PHLPP2: variants seen among roughly 807,000 people sequenced by gnomAD.
The protein encoded by PHLPP2 is PH domain and leucine rich repeat protein phosphatase 2.
A neutral mutation model predicts 124.9 loss-of-function variants in PHLPP2; 66 were observed. That is an observed-to-expected ratio of 0.53 (90% CI 0.43 to 0.65). PHLPP2 has a LOEUF of 0.65. Among genes scored for constraint, PHLPP2 ranks in the 30% least tolerant of loss-of-function variants. PHLPP2 has a pLI of 0.00. For missense variants in PHLPP2, 1,685 were observed against 1,600.4 expected, an observed-to-expected ratio of 1.05 and a Z score of -0.90; for synonymous variants, 681 against 624.7, an observed-to-expected ratio of 1.09 and a Z score of -1.34.
chr16:71,696,565 A>G (rs568909159), intron 3 of PHLPP2, among the ~76,000 whole-genome samples: 1 of 151,322 alleles, frequency 6.6e-6, no homozygotes, highest in African/African-American at 2.4e-5. Context: ...TGAACCCAGG[A>G]GGCAGAGGCT....
rs2045102733 is a variant in PHLPP2, at chr16:71,690,696, G to A, written c.432C>T (p.His144=). 6.2e-7 allele frequency: 1 copy of A among 1,609,850 alleles called. No homozygotes were observed. The highest frequency in any genetic ancestry group is 1.7e-5 in the Admixed American group (1 of 59,284). Residue 144 remains histidine (H), a synonymous_variant, in exon 4 of 19, where the codon CAC becomes CAT. Coordinates refer to ENST00000568954, the MANE Select transcript of PHLPP2 (RefSeq NM_015020.3). ...ATAGGATTCGATCCAAACGATCCAT[G>A]TGGCATGGTTTTTCTGAAAAGGAAA... The part of the protein sequence containing the change: ...MIRFYGEKPC[H]MDRLDRILLS...
intron 1 of PHLPP2, among the ~76,000 whole-genome samples, chr16:71,717,917 G>C (rs1024179104): frequency 1.3e-5 from 2 of 152,072 alleles, no homozygotes; most frequent in Non-Finnish European, 2.9e-5. Flanking sequence ...TTTGAGACAC[G>C]ATCTCGCTCT....
At chr16:71,723,789 C>T in intron 1 of PHLPP2, 4 of 1,317,214 alleles carry the variant, frequency 3.0e-6, no homozygotes, top group Non-Finnish European at 3.9e-6. Flanking sequence ...CGGATCCCTC[C>T]CGGCCGGCGG....
At chr16:71,657,865 T>C (rs1409776133) in intron 15 of PHLPP2, among the ~76,000 whole-genome samples, 3 of 152,168 alleles carry the variant, frequency 2.0e-5, no homozygotes, top group South Asian at 2.1e-4. Flanking sequence ...ACAACAAAGA[T>C]TTCTATGTTT....
At chr16:71,663,421 C>T (rs951414603) in intron 13 of PHLPP2, among the ~76,000 whole-genome samples, 7 of 152,172 alleles carry the variant, frequency 4.6e-5, no homozygotes, top group Non-Finnish European at 2.9e-5. Context: ...AAACACCCTG[C>T]CTTTCTTAGA....
chr16:71,650,462 G>A (rs1319048531), intron 18 of PHLPP2, among the ~76,000 whole-genome samples: 1 of 152,218 alleles, frequency 6.6e-6, no homozygotes, highest in Non-Finnish European at 1.5e-5. Flanking sequence ...AGCTGGGACT[G>A]AAAAGATACC....
chr16:71,653,096 C>A, intron 17 of PHLPP2, 75 bp from the exon 18 acceptor site: 1 of 743,560 alleles, frequency 1.3e-6, no homozygotes, highest in East Asian at 2.8e-5. Flanking sequence ...ACGTACATCC[C>A]TTCTTTTTTT....
Position 71,649,846 on chromosome 16 carries a change from G to A in PHLPP2, c.3016C>T (p.Pro1006Ser), listed in dbSNP as rs1157365587. 4.3e-6 allele frequency: 7 copies of A among 1,614,084 alleles called. No individual in the cohort carries two copies. Among genetic ancestry groups the A allele is most frequent in the Non-Finnish European group, 5.9e-6 (7 of 1,179,930 alleles). The change falls in exon 19 of 19, where the codon CCA becomes TCA. Residue 1006 changes from proline to serine, a missense_variant. By Grantham distance (74) the Pro-to-Ser change is moderately conservative. Coordinates refer to ENST00000568954, the MANE Select transcript of PHLPP2 (RefSeq NM_015020.3). ...AVNAVRHVQD[P>S]LAAAKKLCTL... ...CACAGCTTCTTAGCAGCTGCTAATGGGTCTTGTACGTGACGTACAGCATTG... is the reference window on the plus strand; with the variant it reads ...CACAGCTTCTTAGCAGCTGCTAATGAGTCTTGTACGTGACGTACAGCATTG...
chr16:71,682,218 G>GC (rs2045006674), intron 5 of PHLPP2, among the ~76,000 whole-genome samples: 1 of 134,694 alleles, frequency 7.4e-6, no homozygotes, highest in African/African-American at 2.7e-5. Context: ...TTGTTTTTGG[G>GC]TTTTTTTTTT....
In PHLPP2 at chr16:71,663,911, G is replaced by T; in HGVS notation, c.1973C>A (p.Thr658Asn). The T allele has an allele frequency of 1.2e-6, 2 of 1,612,780 alleles. No individual in the cohort carries two copies. The highest frequency in any genetic ancestry group is 1.7e-6 in the Non-Finnish European group (2 of 1,178,756). The change falls in exon 13 of 19, where the codon ACC becomes AAC. Residue 658 changes from threonine to asparagine, a missense_variant. Transcript: ENST00000568954. ...ILHLANNQLQTFPASKLNKLE... is the reference protein window; with the variant it reads ...ILHLANNQLQNFPASKLNKLE... ...GCATTCATTTTACCTTGCAGGAAAGGTCTGTAACTGATTGTTTGCAAGGTG... is the reference window on the plus strand; with the variant it reads ...GCATTCATTTTACCTTGCAGGAAAGTTCTGTAACTGATTGTTTGCAAGGTG...
intron 12 of PHLPP2, among the ~76,000 whole-genome samples, chr16:71,665,880 T>C (rs1171059775): frequency 2.0e-5 from 3 of 152,214 alleles, no homozygotes; most frequent in African/African-American, 7.2e-5. Context: ...TTTCCAAAGA[T>C]TTTATTTTGA....
chr16:71,667,269 T>C lies in PHLPP2; in HGVS notation c.1693A>G (p.Thr565Ala), dbSNP rs759103184. 2 of 1,613,782 alleles carry C rather than the reference T, an allele frequency of 1.2e-6. No homozygotes were observed. Among genetic ancestry groups the C allele is most frequent in the East Asian group, 4.5e-5 (2 of 44,852 alleles). Residue 565 changes from threonine to alanine, a missense_variant, in exon 12 of 19, where the codon ACA becomes GCA. Thr to Ala is a moderately conservative substitution (Grantham distance 58). Transcript: ENST00000568954. ...LGHNHVQNLP[T>A]LVEHIPLEVL... ...TCGAGGGGGATGTGCTCTACCAGTG[T>C]TGGAAGGTTTTGCACATGATTGTGT... is the stretch of plus-strand genomic sequence containing the variant.
At chr16:71,701,798 T>A (rs1235258633) in intron 3 of PHLPP2, among the ~76,000 whole-genome samples, 2 of 152,204 alleles carry the variant, frequency 1.3e-5, no homozygotes, top group African/African-American at 2.4e-5. Context: ...GAGAGAACAT[T>A]CACTAACTTT....
At chr16:71,697,343 G>C (rs1361730266) in intron 3 of PHLPP2, among the ~76,000 whole-genome samples, 2 of 152,044 alleles carry the variant, frequency 1.3e-5, no homozygotes, top group Non-Finnish European at 2.9e-5. Flanking sequence ...GGGGTTTTAG[G>C]AACCAGGTAG....
rs566728451 is a variant in PHLPP2 at position 71,649,516 on chromosome 16, G to C, written c.3346C>G (p.Arg1116Gly). 1 of 1,613,960 alleles carries C rather than the reference G, an allele frequency of 6.2e-7. No homozygotes were observed. The highest frequency in any genetic ancestry group is 8.5e-7 in the Non-Finnish European group (1 of 1,180,006). Reference sequence around the variant, plus strand: ...GGTGTTGGGTGGAGGCTGCAGCGCCGCTCTGGCCTCGGAAGCAAGGCAGTG... The same window carrying C: ...GGTGTTGGGTGGAGGCTGCAGCGCCCCTCTGGCCTCGGAAGCAAGGCAGTG... Reference protein sequence around the residue: ...LDTALLPRPERRCSLHPTPTS... With the variant: ...LDTALLPRPEGRCSLHPTPTS... Residue 1116 changes from arginine to glycine, a missense_variant, in exon 19 of 19, where the codon CGG (arginine) becomes GGG (glycine). Physicochemically the swap from Arg to Gly is moderately radical, Grantham distance 125. Transcript: ENST00000568954.
At position 71,645,036 on chromosome 16, in the gene PHLPP2, A is replaced by T. The variant is rs1351215649; in HGVS notation, c.*3854T>A. ...ATGCTCTGGCTCATATTATTGAATT[A>T]AAAAATTTAACACATTTCAAAAATA... On this transcript the variant is annotated 3_prime_UTR_variant, in exon 19 of 19. Coordinates refer to ENST00000568954, the MANE Select transcript of PHLPP2 (RefSeq NM_015020.3). 1.1e-5 allele frequency: 3 copies of T among 277,806 alleles called. No homozygotes were observed. Among genetic ancestry groups the T allele is most frequent in the East Asian group, 2.1e-4 (2 of 9,508 alleles). The allele number at this position is 277,806 out of a possible 1,614,324, so 17.2% of individuals were successfully genotyped here.
chr16:71,655,063 T>C, intron 17 of PHLPP2, 177 bp downstream of exon 17: 1 of 551,004 alleles, frequency 1.8e-6, no homozygotes, highest in African/African-American at 1.9e-5. Flanking sequence ...CCACAGGCTT[T>C]TGAAAGAGCC....
intron 6 of PHLPP2, among the ~76,000 whole-genome samples, chr16:71,681,311 A>T (rs2044995173): frequency 6.6e-6 from 1 of 152,214 alleles, no homozygotes; most frequent in Admixed American, 6.5e-5. Flanking sequence ...ATTAGAACAG[A>T]GAAGCTTCAC....
chr16:71,656,554 A>C lies in PHLPP2; in HGVS notation c.2390+17T>G. The C allele has an allele frequency of 6.8e-7, 1 of 1,466,808 alleles. No homozygotes were observed. The highest frequency in any genetic ancestry group is 9.6e-7 in the Non-Finnish European group (1 of 1,046,858). 90.9% of individuals were successfully genotyped at this position (1,466,808 alleles called of 1,614,324 possible). A position where few individuals can be genotyped will look rare whatever the true frequency, so the allele number is the denominator to read the frequency against. On this transcript the variant is annotated intron_variant, in intron 16 of 18. Transcript: ENST00000568954. The stretch of plus-strand genomic sequence containing the variant: ...CTGCCTTTTTTCTTTCTCAGTCTCC[A>C]TGGCCAATATACTCACTTATTTCTC...
Sources: gnomAD v4.1 joint callset for allele counts (sites outside exome capture counted in the v4.1 genomes callset) on GRCh38, gnomAD v4.1.1 for gene constraint, MANE v1.5 for transcripts, NCBI Gene and HGNC (gene_info 2026-07-23, HGNC 2026-07-21) for gene names.